The following RBMS3 variants were observed in gnomAD, a reference collection of about 807,000 sequenced individuals.
The protein encoded by RBMS3 is RNA-binding motif, single-stranded-interacting protein 3.
A neutral mutation model predicts 66.8 loss-of-function variants in RBMS3; 27 were observed. That is an observed-to-expected ratio of 0.40 (90% CI 0.30 to 0.56). RBMS3 has a LOEUF of 0.56. Among genes scored for constraint, RBMS3 ranks in the 20% least tolerant of loss-of-function variants. The pLI is 0.40. For synonymous variants in RBMS3, 188 were observed against 183.0 expected, an observed-to-expected ratio of 1.03 and a Z score of -0.22; for missense variants, 513 against 549.5, an observed-to-expected ratio of 0.93 and a Z score of 0.66.
At chr3:29,538,649 G>A (rs931376436) in intron 3 of RBMS3, among the ~76,000 whole-genome samples, 114 of 152,130 alleles carry the variant, frequency 7.5e-4, no homozygotes, top group African/African-American at 2.6e-3. Context: ...ATAAGCTTTG[G>A]ATTTTCTCAG....
intron 4 of RBMS3, among the ~76,000 whole-genome samples, chr3:29,610,413 A>C (rs1165417407): frequency 6.6e-6 from 1 of 152,040 alleles, no homozygotes; most frequent in Non-Finnish European, 1.5e-5. Flanking sequence ...AAGTAACACA[A>C]AGTCATTTTT....
At chr3:29,299,699 T>C (rs1452920782) in intron 1 of RBMS3, among the ~76,000 whole-genome samples, 2 of 151,958 alleles carry the variant, frequency 1.3e-5, no homozygotes, top group Non-Finnish European at 2.9e-5. Context: ...CTAGAGATAA[T>C]TTAAATTATA....
intron 1 of RBMS3, among the ~76,000 whole-genome samples, chr3:29,374,606 A>G (rs545561960): frequency 6.6e-6 from 1 of 152,288 alleles, no homozygotes; most frequent in East Asian, 1.9e-4. Flanking sequence ...CTGTAGTCTA[A>G]TGTAAGTGTT....
At chr3:29,299,118 T>A (rs920221890) in intron 1 of RBMS3, among the ~76,000 whole-genome samples, 2 of 151,844 alleles carry the variant, frequency 1.3e-5, no homozygotes, top group Non-Finnish European at 2.9e-5. Context: ...GAGAAGACAG[T>A]CTTGGGCCAG....
intron 12 of RBMS3, among the ~76,000 whole-genome samples, chr3:29,963,178 G>T (rs1342540393): frequency 1.3e-5 from 2 of 152,016 alleles, no homozygotes; most frequent in Admixed American, 6.6e-5. Context: ...ATTTCCTTAG[G>T]GAACATATTT....
chr3:29,551,083 C>T lies in RBMS3; in HGVS notation c.308-36031C>T, dbSNP rs141987833. 8.5e-5 allele frequency among the ~76,000 whole-genome samples: 13 copies of T among 152,212 alleles called. No homozygotes were observed. The East Asian group carries it at 1.5e-3, about 18-fold the overall frequency. ...TTAAAGAAAGAAACAATGTCTTTCA[C>T]GTGAGATGCTATCGTGGAGATGAAA... On this transcript the variant is annotated intron_variant, in intron 3 of 14. Transcript: ENST00000383767.
At chr3:29,906,070 A>G (rs549598478) in intron 10 of RBMS3, among the ~76,000 whole-genome samples, 54 of 152,280 alleles carry the variant, frequency 3.5e-4, no homozygotes, top group African/African-American at 1.2e-3. Context: ...TATACAAGAA[A>G]AAGAACTTTT....
At chr3:29,632,867 A>G (rs2049336806) in intron 4 of RBMS3, among the ~76,000 whole-genome samples, 1 of 151,810 alleles carries the variant, frequency 6.6e-6, no homozygotes, top group Non-Finnish European at 1.5e-5. Flanking sequence ...ATTTCCCCAC[A>G]CCTGATACAG....
chr3:29,835,917 A>G (rs2058494511), intron 6 of RBMS3, among the ~76,000 whole-genome samples: 1 of 151,938 alleles, frequency 6.6e-6, no homozygotes, highest in Non-Finnish European at 1.5e-5. Context: ...AATAAATATG[A>G]TCAGAAATAA....
chr3:29,797,045 C>T (rs1451385422), intron 6 of RBMS3, among the ~76,000 whole-genome samples: 1 of 151,982 alleles, frequency 6.6e-6, no homozygotes, highest in African/African-American at 2.4e-5. Flanking sequence ...ATTCCATTAG[C>T]CCCTAATGAG....
In RBMS3 at chr3:29,364,309, G is replaced by T. The variant is rs568167951; in HGVS notation, c.76-70434G>T. On this transcript the variant is annotated intron_variant, in intron 1 of 14. Coordinates refer to ENST00000383767, the MANE Select transcript of RBMS3 (RefSeq NM_001003793.3). ...AAAAACATTAGCAGAGAATAAGGGG[G>T]ATTCAGGGAAGGGTGATAAAGGGGA... is the stretch of plus-strand genomic sequence containing the variant. Among the ~76,000 whole-genome samples, 16 of 152,264 alleles carry T rather than the reference G, an allele frequency of 1.1e-4. No individual in the cohort carries two copies. In the East Asian group the frequency reaches 2.5e-3, roughly 24 times the overall value.
At chr3:29,326,582 C>G (rs1472282312) in intron 1 of RBMS3, among the ~76,000 whole-genome samples, 4 of 152,030 alleles carry the variant, frequency 2.6e-5, no homozygotes, top group African/African-American at 9.7e-5. Context: ...GGCTACCTAC[C>G]TTCCTCACTA....
intron 6 of RBMS3, among the ~76,000 whole-genome samples, chr3:29,805,494 C>T (rs1175318180): frequency 2.6e-5 from 4 of 151,984 alleles, no homozygotes; most frequent in African/African-American, 9.7e-5. Context: ...TAGGAGATGA[C>T]AGCTCTGTGT....
chr3:29,931,164 G>A (rs1293828613), intron 10 of RBMS3, among the ~76,000 whole-genome samples: 1 of 152,104 alleles, frequency 6.6e-6, no homozygotes, highest in African/African-American at 2.4e-5. Flanking sequence ...TGAAAAATGA[G>A]TGGTACTGAT....
At chr3:29,767,254 T>C (rs2055970456) in intron 6 of RBMS3, 2 of 151,936 alleles carry the variant, frequency 1.3e-5, no homozygotes. Flanking sequence ...GAACAGAACA[T>C]GCAGGCCGGT....
chr3:29,323,717 CACACACACA>C (rs1559487777), intron 1 of RBMS3, among the ~76,000 whole-genome samples: 6 of 150,962 alleles, frequency 4.0e-5, no homozygotes, highest in African/African-American at 1.5e-4. Context: ...CACACACACA[CACACACACA>C]CCCCTTGGAC....
intron 1 of RBMS3, among the ~76,000 whole-genome samples, chr3:29,424,428 A>G (rs2040862229): frequency 6.6e-6 from 1 of 152,168 alleles, no homozygotes; most frequent in African/African-American, 2.4e-5. Context: ...AGGGAAGATA[A>G]CATATTAAGG....
At chr3:29,819,618 G>A (rs997487149) in intron 6 of RBMS3, among the ~76,000 whole-genome samples, 8 of 152,004 alleles carry the variant, frequency 5.3e-5, no homozygotes, top group Middle Eastern at 3.4e-3. Context: ...TTTTAATTAT[G>A]GGCAGTTATT....
At chr3:29,735,315 A>G (rs568523633) in intron 4 of RBMS3, among the ~76,000 whole-genome samples, 2 of 152,182 alleles carry the variant, frequency 1.3e-5, no homozygotes, top group Non-Finnish European at 2.9e-5. Context: ...CAGAGAAAGT[A>G]AATTATTTAC....
Sources: gnomAD v4.1 joint callset for allele counts (sites outside exome capture counted in the v4.1 genomes callset) on GRCh38, gnomAD v4.1.1 for gene constraint, MANE v1.5 for transcripts, NCBI Gene and HGNC (gene_info 2026-07-23, HGNC 2026-07-21) for gene names.